Variants in MYO7A observed in about 807,000 individuals in gnomAD.
MYO7A encodes the protein unconventional myosin-VIIa.
Under a neutral mutation model 263.8 loss-of-function variants are expected in MYO7A, and 210 were observed. The observed-to-expected ratio is 0.80, with a 90% confidence interval of 0.71 to 0.89. MYO7A has a LOEUF of 0.89. MYO7A is among the 40% of genes least tolerant of loss of function. The pLI is 0.00. For synonymous variants in MYO7A, 1,239 were observed against 1,197.3 expected (o/e 1.03, Z -0.72); for missense variants, 2,820 against 2,968.3 (o/e 0.95, Z 1.16).
intron 20 of MYO7A, 93 bp downstream of exon 20, chr11:77,179,222 C>A: frequency 1.7e-6 from 2 of 1,170,468 alleles, no homozygotes; most frequent in South Asian, 1.5e-5. Context: ...CCAGGCAGCA[C>A]AGCCTGGCCT....
intron 37 of MYO7A, 140 bp from the exon 38 acceptor site, chr11:77,202,920 G>A (rs1278538900): frequency 9.1e-7 from 1 of 1,104,042 alleles, no homozygotes; most frequent in Non-Finnish European, 1.3e-6. Context: ...TCACATGCAG[G>A]GCAGGGAAGA....
intron 2 of MYO7A, among the ~76,000 whole-genome samples, chr11:77,133,999 G>C (rs1325087559): frequency 6.6e-6 from 1 of 151,782 alleles, no homozygotes; most frequent in Non-Finnish European, 1.5e-5. Flanking sequence ...ACACAATCTC[G>C]GCCCACTGCA....
intron 16 of MYO7A, among the ~76,000 whole-genome samples, chr11:77,174,127 G>T (rs781974862): frequency 6.6e-6 from 1 of 151,998 alleles, no homozygotes; most frequent in African/African-American, 2.4e-5. Context: ...CATGGATGAG[G>T]CCCTCACAGA....
intron 44 of MYO7A, among the ~76,000 whole-genome samples, chr11:77,210,145 G>A (rs186953662): frequency 1.2e-4 from 19 of 152,302 alleles, no homozygotes; most frequent in Admixed American, 5.9e-4. Flanking sequence ...TCCTTCAAAG[G>A]TTGTCATTAT....
rs1055688702 is a variant in MYO7A, at chr11:77,199,715, C to T, written c.4749C>T (p.Thr1583=). 10 of 1,613,626 alleles carry T rather than the reference C, an allele frequency of 6.2e-6. No homozygotes were observed. Among genetic ancestry groups the T allele is most frequent in the Non-Finnish European group, 8.5e-6 (10 of 1,179,856 alleles). Residue 1583 remains threonine, a synonymous_variant, in exon 35 of 49, where the codon ACC becomes ACT. Coordinates refer to ENST00000409709, the MANE Select transcript of MYO7A (RefSeq NM_000260.4). ...TCAAGGGGGACGAATACACCTTCAC[C>T]TCCAGCAATGCTGAGGACATTCGTG... ...ATIKGDEYTF[T]SSNAEDIRDL...
Position 77,138,898 on chromosome 11 carries a change from A to C in MYO7A, c.19-3811A>C, listed in dbSNP as rs1164626397. On this transcript the variant is annotated intron_variant, in intron 2 of 48. Coordinates refer to ENST00000409709, the MANE Select transcript of MYO7A (RefSeq NM_000260.4). This position sits in a 1 kb window ranked among gnomAD's most constrained non-coding sequence, Gnocchi z 4.9. ...AACCGGTGTCCCAGAGTGATCATGAAGATAACGAGCGGCAAAATGTCCTGA... is the reference window on the plus strand; with the variant it reads ...AACCGGTGTCCCAGAGTGATCATGACGATAACGAGCGGCAAAATGTCCTGA... Among the ~76,000 whole-genome samples, 1 of 152,382 alleles carries C rather than the reference A, an allele frequency of 6.6e-6. No individual in the cohort carries two copies. Among genetic ancestry groups the C allele is most frequent in the African/African-American group, 2.4e-5 (1 of 41,592 alleles).
At chr11:77,139,055 G>A (rs1951045540) in intron 2 of MYO7A, among the ~76,000 whole-genome samples, 1 of 152,246 alleles carries the variant, frequency 6.6e-6, no homozygotes, top group Non-Finnish European at 1.5e-5. Context: ...ATGCCTGGGA[G>A]GAAGGAGGGT....
intron 32 of MYO7A, 47 bp downstream of exon 32, chr11:77,194,571 A>C (rs1956500991): frequency 6.6e-7 from 1 of 1,523,566 alleles, no homozygotes; most frequent in Non-Finnish European, 8.8e-7. Flanking sequence ...GGACCTGAAC[A>C]ACCAAGGAGG....
At chr11:77,204,322 G>A in intron 39 of MYO7A, 93 bp downstream of exon 39, 1 of 1,477,068 alleles carries the variant, frequency 6.8e-7, no homozygotes. Flanking sequence ...GCTCTGCCTG[G>A]ATGCAGTCCT....
chr11:77,212,600 G>A, intron 46 of MYO7A: 1 of 393,408 alleles, frequency 2.5e-6, no homozygotes, highest in Non-Finnish European at 4.8e-6. Context: ...GATACGTATG[G>A]TCTTATCACA....
chr11:77,210,146 T>C (rs1046751898), intron 44 of MYO7A, among the ~76,000 whole-genome samples: 3 of 152,252 alleles, frequency 2.0e-5, no homozygotes, highest in African/African-American at 4.8e-5. Flanking sequence ...CCTTCAAAGG[T>C]TGTCATTATA....
In MYO7A at chr11:77,202,378, C is replaced by T. The variant is rs529974676; in HGVS notation, c.5122C>T (p.Arg1708Cys). 13 of 1,558,270 alleles carry T rather than the reference C, an allele frequency of 8.3e-6. No individual in the cohort carries two copies. Among genetic ancestry groups the T allele is most frequent in the Middle Eastern group, 1.7e-4 (1 of 5,992 alleles). ...LQLRTAEPEV[R>C]AKPYTLEEFS... The stretch of plus-strand genomic sequence containing the variant: ...GCTGCGAACGGCGGAGCCCGAGGTG[C>T]GTGCCAAGCCCTACACGCTGGAGGA... Residue 1708 changes from arginine (R) to cysteine (C), a missense_variant, in exon 37 of 49, where the codon CGT becomes TGT. Arg to Cys is a radical substitution (Grantham distance 180). Transcript: ENST00000409709.
At chr11:77,129,638 G>A (rs1466656047) in intron 1 of MYO7A, among the ~76,000 whole-genome samples, 1 of 152,116 alleles carries the variant, frequency 6.6e-6, no homozygotes, top group Non-Finnish European at 1.5e-5. Flanking sequence ...GGCAGAGGTG[G>A]GACTGACCCT....
chr11:77,214,777 G>C lies in MYO7A; in HGVS notation c.*81G>C. ...GGCCCATCAGCTACCCCTGCAGCTG[G>C]GGAAGACTTATGCCATCCCGGCAGC... is the stretch of plus-strand genomic sequence containing the variant. On this transcript the variant is annotated 3_prime_UTR_variant, in exon 49 of 49. Transcript: ENST00000409709. 1.7e-6 allele frequency: 2 copies of C among 1,200,992 alleles called. No homozygotes were observed. Among genetic ancestry groups the C allele is most frequent in the Non-Finnish European group, 2.4e-6 (2 of 841,168 alleles). The allele number at this position is 1,200,992 out of a possible 1,614,324, so 74.4% of individuals were successfully genotyped here.
intron 1 of MYO7A, among the ~76,000 whole-genome samples, chr11:77,129,090 T>G (rs1555045332): frequency 6.6e-6 from 1 of 152,246 alleles, no homozygotes; most frequent in Non-Finnish European, 1.5e-5. Context: ...AATGTGGCCC[T>G]TAAATTTCAC....
chr11:77,188,745 A>G (rs1425055188), intron 27 of MYO7A, among the ~76,000 whole-genome samples: 5 of 152,226 alleles, frequency 3.3e-5, no homozygotes, highest in African/African-American at 9.6e-5. Flanking sequence ...CTTTAAAATG[A>G]ACACCAAAAA....
At chr11:77,186,058 G>T (rs1955625492) in intron 27 of MYO7A, among the ~76,000 whole-genome samples, 1 of 151,960 alleles carries the variant, frequency 6.6e-6, no homozygotes, top group Admixed American at 6.6e-5. Context: ...GAGTGGCTGG[G>T]ACTACAGGTG....
Position 77,199,687 on chromosome 11 carries a change from C to T in MYO7A, c.4721C>T (p.Thr1574Ile), listed in dbSNP as rs779107007. ...KTTAPSFTLA[T>I]IKGDEYTFTS... Reference sequence around the variant, plus strand: ...ACGGCCCCCAGCTTCACGCTGGCCACCATCAAGGGGGACGAATACACCTTC... The same window carrying T: ...ACGGCCCCCAGCTTCACGCTGGCCATCATCAAGGGGGACGAATACACCTTC... The change falls in exon 35 of 49, where the codon ACC becomes ATC. Residue 1574 changes from threonine (T) to isoleucine (I), a missense_variant. Physicochemically the swap from Thr to Ile is moderately conservative, Grantham distance 89. Transcript: ENST00000409709. 1 of 1,613,520 alleles carries T rather than the reference C, an allele frequency of 6.2e-7. No individual in the cohort carries two copies. The highest frequency in any genetic ancestry group is 8.5e-7 in the Non-Finnish European group (1 of 1,179,840).
intron 16 of MYO7A, among the ~76,000 whole-genome samples, chr11:77,174,354 C>T (rs1340117146): frequency 1.3e-5 from 2 of 152,172 alleles, no homozygotes; most frequent in African/African-American, 2.4e-5. Context: ...TTGGCCTGGA[C>T]GAGCCTCTCT....
Sources: gnomAD v4.1 joint callset for allele counts (sites outside exome capture counted in the v4.1 genomes callset) on GRCh38, gnomAD v4.1.1 for gene constraint, Gnocchi (gnomAD v3.1) non-coding constraint, MANE v1.5 for transcripts, NCBI Gene and HGNC (gene_info 2026-07-23, HGNC 2026-07-21) for gene names.